Variants in CD164 observed in about 807,000 individuals in gnomAD.
CD164 encodes sialomucin core protein 24.
Under a neutral mutation model 24.6 loss-of-function variants are expected in CD164, and 11 were observed. That is an observed-to-expected ratio of 0.45 (90% CI 0.28 to 0.74). The LOEUF (loss-of-function observed/expected upper bound fraction) is 0.74, where lower values mean the gene tolerates loss of function less well. CD164 is among the 30% of genes least tolerant of loss of function. The pLI, the probability that CD164 is intolerant of heterozygous loss-of-function variation, is 0.13. For synonymous variants in CD164, 126 were observed against 100.3 expected (o/e 1.26, Z -1.53); for missense variants, 295 against 243.7 (o/e 1.21, Z -1.40).
chr6:109,375,600 G>A (rs1771348287), intron 4 of CD164, among the ~76,000 whole-genome samples: 1 of 129,998 alleles, frequency 7.7e-6, no homozygotes, highest in Non-Finnish European at 1.5e-5. Context: ...CTGAGCGGCA[G>A]AGCAAGACTT....
In CD164 at chr6:109,370,673, C is replaced by CATAAAATTGTTA. The variant is rs1771028016; in HGVS notation, c.371-218_371-207dup. 13 of 487,494 alleles carry CATAAAATTGTTA rather than the reference C, an allele frequency of 2.7e-5. No individual in the cohort carries two copies. In the South Asian group the frequency reaches 3.0e-4, roughly 11 times the overall value. 30.2% of individuals were successfully genotyped at this position (487,494 alleles called of 1,614,324 possible). On this transcript the variant is annotated intron_variant, in intron 4 of 5. Transcript: ENST00000310786. ...AGTGTATTTTAAAACAATAAGCAAT[C>CATAAAATTGTTA]ATAAAATTGTTAATATCTATGTATC...
At position 109,368,745 on chromosome 6, in the gene CD164, G is replaced by C; in HGVS notation, c.*106C>G. ...CTATATGCATCCATGGAAATTTAAA[G>C]ATCCTGGAATAGCGTCTTCCATGTG... On this transcript the variant is annotated 3_prime_UTR_variant, in exon 6 of 6. Coordinates refer to ENST00000310786, the MANE Select transcript of CD164 (RefSeq NM_006016.6). 1 of 1,451,198 alleles carries C rather than the reference G, an allele frequency of 6.9e-7. No homozygotes were observed. The highest frequency in any genetic ancestry group is 9.0e-7 in the Non-Finnish European group (1 of 1,105,110). The allele number at this position is 1,451,198 out of a possible 1,614,324, so 89.9% of individuals were successfully genotyped here. A position where few individuals can be genotyped will look rare whatever the true frequency, so the allele number is the denominator to read the frequency against.
At chr6:109,381,232 G>A (rs1221040155) in intron 1 of CD164, among the ~76,000 whole-genome samples, 1 of 151,974 alleles carries the variant, frequency 6.6e-6, no homozygotes, top group Non-Finnish European at 1.5e-5. Context: ...GTGTTGTCAC[G>A]GTATATGGCA....
Position 109,368,621 on chromosome 6 carries a change from A to G in CD164, c.*230T>C. On this transcript the variant is annotated 3_prime_UTR_variant, in exon 6 of 6. Transcript: ENST00000310786. ...AATCCCACAGCAGCAGCTATTTAAA[A>G]TAAGACAGCCACAGGATTCATGCAG... 3 of 1,352,732 alleles carry G rather than the reference A, an allele frequency of 2.2e-6. No homozygotes were observed. The highest frequency in any genetic ancestry group is 2.0e-5 in the South Asian group (1 of 49,612). The allele number at this position is 1,352,732 out of a possible 1,614,324, so 83.8% of individuals were successfully genotyped here.
intron 1 of CD164, chr6:109,381,396 CAT>C (rs1384241772): frequency 1.3e-4 from 89 of 666,866 alleles, no homozygotes; most frequent in Non-Finnish European, 4.1e-5. Context: ...GAGCACAGGA[CAT>C]AGTTAAGAAA....
intron 1 of CD164, chr6:109,381,713 CTTTAAG>C (rs2115174922): frequency 3.3e-6 from 2 of 611,996 alleles, no homozygotes; most frequent in East Asian, 2.9e-5. Flanking sequence ...GCATTACCGT[CTTTAAG>C]TTTCTCTTTC....
chr6:109,374,660 C>T (rs1771292976), intron 4 of CD164, among the ~76,000 whole-genome samples: 1 of 152,202 alleles, frequency 6.6e-6, no homozygotes, highest in African/African-American at 2.4e-5. Flanking sequence ...GCAAGGCATA[C>T]AAAGGTGTTT....
At position 109,382,443 on chromosome 6, in the gene CD164, C is replaced by T; in HGVS notation, c.-65G>A. On this transcript the variant is annotated 5_prime_UTR_variant, in exon 1 of 6. Transcript: ENST00000310786. ...CGCAACGCTCAGTCAACCCCTCAAT[C>T]CCCTGCGGCGCCGCCTCCGAGACTA... The T allele has an allele frequency of 7.3e-7, 1 of 1,377,666 alleles. No individual in the cohort carries two copies. Among genetic ancestry groups the T allele is most frequent in the Non-Finnish European group, 9.5e-7 (1 of 1,051,666 alleles). 85.3% of individuals were successfully genotyped at this position (1,377,666 alleles called of 1,614,324 possible). A position where few individuals can be genotyped will look rare whatever the true frequency, so the allele number is the denominator to read the frequency against.
chr6:109,375,800 A>C (rs987565417), intron 4 of CD164: 7 of 331,950 alleles, frequency 2.1e-5, no homozygotes, highest in Non-Finnish European at 3.2e-5. Context: ...TATATTTCCC[A>C]AGATTTCCAC....
intron 3 of CD164, among the ~76,000 whole-genome samples, chr6:109,376,831 A>G (rs887942985): frequency 9.2e-5 from 14 of 152,240 alleles, no homozygotes; most frequent in African/African-American, 2.4e-4. Context: ...AACACATATT[A>G]AAGTAATTAC....
chr6:109,381,904 G>A (rs1318789362), intron 1 of CD164: 5 of 464,658 alleles, frequency 1.1e-5, no homozygotes, highest in East Asian at 3.8e-5. Flanking sequence ...CCGACCCCAA[G>A]TGAGGCTAGG....
At position 109,367,300 on chromosome 6, in the gene CD164, A is replaced by C. The variant is rs1345841724; in HGVS notation, c.*1551T>G. 1 of 152,740 alleles carries C rather than the reference A, an allele frequency of 6.5e-6. No individual in the cohort carries two copies. The highest frequency in any genetic ancestry group is 2.1e-4 in the South Asian group (1 of 4,834). The allele number at this position is 152,740 out of a possible 1,614,324, so 9.5% of individuals were successfully genotyped here. ...AATCTTCATCTTAACAACCTTTAAT[A>C]GTTATCTAAATGCAGAGTTTGTTTA... On this transcript the variant is annotated 3_prime_UTR_variant, in exon 6 of 6. Transcript: ENST00000310786.
At chr6:109,381,799 G>A in intron 1 of CD164, 1 of 563,180 alleles carries the variant, frequency 1.8e-6, no homozygotes. Context: ...GCAGGGAGAG[G>A]CAGCTCGGCC....
At chr6:109,375,617 C>CAAAAAAAAAAAAAAAAAAAAAAAAAAA (rs58138405) in intron 4 of CD164, among the ~76,000 whole-genome samples, 41 of 71,322 alleles carry the variant, frequency 5.7e-4, no homozygotes, top group Admixed American at 1.3e-3. Flanking sequence ...ACTTCGCTTC[C>CAAAAAAAAAAAAAAAAAAAAAAAAAAA]AAAAAAAAAA....
chr6:109,367,548 C>T lies in CD164; in HGVS notation c.*1303G>A, dbSNP rs1350761656. On this transcript the variant is annotated 3_prime_UTR_variant, in exon 6 of 6. Coordinates refer to ENST00000310786, the MANE Select transcript of CD164 (RefSeq NM_006016.6). ...GAAGACGACCCTCTAAAGGAGAAAA[C>T]TATAGAAGTTAAAGTATGCATGCTT... 1.3e-5 allele frequency: 2 copies of T among 152,402 alleles called. No individual in the cohort carries two copies. The highest frequency in any genetic ancestry group is 3.8e-4 in the East Asian group (2 of 5,202). 9.4% of individuals were successfully genotyped at this position (152,402 alleles called of 1,614,324 possible).
intron 3 of CD164, among the ~76,000 whole-genome samples, chr6:109,377,000 G>A (rs1323278717): frequency 2.0e-5 from 3 of 152,034 alleles, no homozygotes; most frequent in Admixed American, 6.6e-5. Context: ...AGCCAGCTAT[G>A]GTGGCATGCA....
At chr6:109,372,458 C>T (rs1420970594) in intron 4 of CD164, 1 of 152,108 alleles carries the variant, frequency 6.6e-6, no homozygotes, top group Non-Finnish European at 1.5e-5. Context: ...AATATTGATA[C>T]TACTTAGAAG....
In CD164 at chr6:109,382,205, T is replaced by G. The variant is rs1771800821; in HGVS notation, c.174A>C (p.Pro58=). ...GAAGCCCACAGGGCCCGCGCCCACC[T>G]GGTGCCGGAGTGGTGACCAGCGGGA... The part of the protein sequence containing the change: ...TSLPLVTTPA[P]ETCEGRNSCV... The change falls in exon 1 of 6, where the codon CCA becomes CCC. Residue 58 remains proline (P), a splice_region_variant and synonymous_variant. Transcript: ENST00000310786. The G allele has an allele frequency of 6.4e-7, 1 of 1,552,452 alleles. No individual in the cohort carries two copies. Among genetic ancestry groups the G allele is most frequent in the Admixed American group, 1.9e-5 (1 of 51,838 alleles).
chr6:109,368,844 G>C lies in CD164; in HGVS notation c.*7C>G, dbSNP rs760729260. ...ATCACCAGTCCTTATTAATTCAATGGGTCTGTTTACAGAGTGTGGTAATTT... is the reference window on the plus strand; with the variant it reads ...ATCACCAGTCCTTATTAATTCAATGCGTCTGTTTACAGAGTGTGGTAATTT... On this transcript the variant is annotated 3_prime_UTR_variant, in exon 6 of 6. Transcript: ENST00000310786. 1.6e-5 allele frequency: 25 copies of C among 1,605,862 alleles called. No individual in the cohort carries two copies. In the South Asian group the frequency reaches 2.6e-4, roughly 16 times the overall value.
Sources: allele counts gnomAD v4.1 joint callset (sites outside exome capture counted in the v4.1 genomes callset), GRCh38; gene constraint gnomAD v4.1.1; transcripts MANE v1.5; gene names NCBI Gene and HGNC (gene_info 2026-07-23, HGNC 2026-07-21).